Variants in TSC22D3 observed in about 807,000 individuals in gnomAD.
The protein encoded by TSC22D3 is TSC22 domain family member 3.
A neutral mutation model predicts 11.1 loss-of-function variants in TSC22D3; 4 were observed. That is an observed-to-expected ratio of 0.36 (90% confidence interval 0.18 to 0.83). The LOEUF is 0.83. Among genes scored for constraint, TSC22D3 ranks in the 40% least tolerant of loss-of-function variants. TSC22D3 has a pLI of 0.48. For missense variants in TSC22D3, 118 were observed against 159.4 expected, an observed-to-expected ratio of 0.74 and a Z score of 1.40; for synonymous variants, 77 against 70.3, an observed-to-expected ratio of 1.10 and a Z score of -0.48.
At chrX:107,754,819 C>A (rs1187416951) in intron 1 of TSC22D3, among the ~76,000 whole-genome samples, 1 of 112,419 alleles carries the variant, frequency 8.9e-6, no homozygotes, top group Non-Finnish European at 1.9e-5. Flanking sequence ...CCATTTATGA[C>A]AGAGATTGCA....
intron 1 of TSC22D3, among the ~76,000 whole-genome samples, chrX:107,745,865 A>G (rs1166850965): frequency 2.7e-5 from 3 of 112,499 alleles, no homozygotes; most frequent in African/African-American, 9.7e-5. Flanking sequence ...GTATGTGTGA[A>G]TTGCCTACCT....
rs141683086 is a variant in TSC22D3 at position 107,775,294 on chromosome X, G to A, written c.126C>T (p.Ser42=). ...GSSGENNNPG[S]PTVSNFRQLQ... ...GCTGCCGAAAGTTGCTCACTGTAGGGCTGCCCGGGTTGTTGTTCTCCCCGC... is the reference window on the plus strand; with the variant it reads ...GCTGCCGAAAGTTGCTCACTGTAGGACTGCCCGGGTTGTTGTTCTCCCCGC... The change falls in exon 1 of 3, where the codon AGC becomes AGT. Residue 42 remains serine (S), a synonymous_variant. Transcript: ENST00000372383. 2.6e-4 allele frequency: 313 copies of A among 1,210,446 alleles called. No homozygotes were observed. In the African/African-American group the frequency reaches 5.2e-3, roughly 20 times the overall value.
chrX:107,717,014 G>A, intron 1 of TSC22D3: 2 of 1,022,305 alleles, frequency 2.0e-6, no homozygotes, highest in African/African-American at 3.9e-5. Context: ...CTCGAGGGGT[G>A]TCACCTCGTA....
intron 1 of TSC22D3, among the ~76,000 whole-genome samples, chrX:107,733,415 C>CA (rs1254211411): frequency 1.4e-4 from 15 of 110,355 alleles, no homozygotes; most frequent in Middle Eastern, 4.7e-3. Flanking sequence ...GCTCTCTTCA[C>CA]AAAAAAAAAT....
chrX:107,733,870 A>G (rs1482176738), intron 1 of TSC22D3, among the ~76,000 whole-genome samples: 3 of 111,886 alleles, frequency 2.7e-5, no homozygotes, highest in Non-Finnish European at 5.6e-5. Context: ...AAATCTTGCC[A>G]GATAGACAAC....
chrX:107,762,556 C>G (rs1400968554), intron 1 of TSC22D3, among the ~76,000 whole-genome samples: 1 of 111,743 alleles, frequency 8.9e-6, no homozygotes, highest in African/African-American at 3.3e-5. Context: ...TGACCATGGT[C>G]CTTATAAAAC....
At position 107,775,155 on chromosome X, in the gene TSC22D3, T is replaced by C. The variant is rs201112833; in HGVS notation, c.265A>G (p.Ile89Val). 100 of 1,210,603 alleles carry C rather than the reference T, an allele frequency of 8.3e-5. No individual in the cohort carries two copies. In the East Asian group the frequency reaches 2.8e-3, roughly 33 times the overall value. ...RDPCYLINEG[I>V]CNRNIDQTML... ...GTCTGGTCGATGTTGCGGTTGCAGA[T>C]GCCCTCGTTGATCAGGTAGCAGGGG... is the stretch of plus-strand genomic sequence containing the variant. Residue 89 changes from isoleucine to valine, a missense_variant, in exon 1 of 3, where the codon ATC becomes GTC. Ile to Val is a conservative substitution (Grantham distance 29). Transcript: ENST00000372383.
At chrX:107,757,349 G>T (rs751858411) in intron 1 of TSC22D3, among the ~76,000 whole-genome samples, 1 of 111,578 alleles carries the variant, frequency 9.0e-6, no homozygotes, top group Admixed American at 9.5e-5. Context: ...GTCCTTAAAG[G>T]AGTGGAACTG....
intron 1 of TSC22D3, among the ~76,000 whole-genome samples, chrX:107,755,694 C>T (rs368793405): frequency 8.9e-6 from 1 of 112,624 alleles, no homozygotes; most frequent in African/African-American, 3.2e-5. Flanking sequence ...GAAATCAGAG[C>T]AAGTCCATGT....
chrX:107,715,734 G>C (rs777996500), intron 2 of TSC22D3, 165 bp downstream of exon 2: 2 of 568,568 alleles, frequency 3.5e-6, no homozygotes, highest in Non-Finnish European at 6.0e-6. Flanking sequence ...GCCCTAAAAG[G>C]TGCCACTCTA....
intron 1 of TSC22D3, among the ~76,000 whole-genome samples, chrX:107,743,618 A>G (rs1479775629): frequency 2.7e-5 from 3 of 112,318 alleles, no homozygotes; most frequent in Admixed American, 9.4e-5. Flanking sequence ...GGAGCACTCT[A>G]GACCCCTTTA....
At chrX:107,758,205 G>T (rs1929263221) in intron 1 of TSC22D3, among the ~76,000 whole-genome samples, 2 of 110,301 alleles carry the variant, frequency 1.8e-5, no homozygotes, top group African/African-American at 6.6e-5. Flanking sequence ...GAGGTTCTTC[G>T]TCTACTCACT....
chrX:107,727,929 A>G, intron 1 of TSC22D3, among the ~76,000 whole-genome samples: 1 of 112,443 alleles, frequency 8.9e-6, no homozygotes, highest in East Asian at 2.8e-4. Context: ...GATAGTACAA[A>G]CAATCAGTAA....
intron 1 of TSC22D3, among the ~76,000 whole-genome samples, chrX:107,748,115 C>T (rs1478967123): frequency 1.8e-5 from 2 of 111,967 alleles, no homozygotes; most frequent in Non-Finnish European, 1.9e-5. Flanking sequence ...CCCCTTCACA[C>T]ATGCACATAC....
intron 1 of TSC22D3, among the ~76,000 whole-genome samples, chrX:107,758,078 G>A (rs1320007784): frequency 9.1e-6 from 1 of 110,044 alleles, no homozygotes; most frequent in Non-Finnish European, 1.9e-5. Context: ...AGTCACCCAA[G>A]AAATTATTGT....
intron 1 of TSC22D3, among the ~76,000 whole-genome samples, chrX:107,772,768 T>C (rs1298148135): frequency 2.7e-5 from 3 of 111,508 alleles, no homozygotes; most frequent in Non-Finnish European, 5.7e-5. Flanking sequence ...GGAGGATCGA[T>C]GGAGCCCAGG....
chrX:107,758,715 G>A lies in TSC22D3; in HGVS notation c.320+16385C>T, dbSNP rs771459347. Among the ~76,000 whole-genome samples the A allele has an allele frequency of 8.1e-5, 9 of 111,727 alleles. No individual in the cohort carries two copies. In the East Asian group the frequency reaches 8.4e-4, roughly 10 times the overall value. The stretch of plus-strand genomic sequence containing the variant: ...ATAGAGAATTTCTGCAAACACACAC[G>A]TAAAGAACTCAAGAAATGCATTGTG... On this transcript the variant is annotated intron_variant, in intron 1 of 2. Transcript: ENST00000372383.
chrX:107,723,547 G>A (rs1293210401), intron 1 of TSC22D3, among the ~76,000 whole-genome samples: 3 of 112,320 alleles, frequency 2.7e-5, no homozygotes, highest in African/African-American at 9.7e-5. Flanking sequence ...CCTCGTCACA[G>A]CCCACCCTTT....
chrX:107,731,830 C>A (rs765522822), intron 1 of TSC22D3, among the ~76,000 whole-genome samples: 5 of 80,530 alleles, frequency 6.2e-5, no homozygotes, highest in Non-Finnish European at 1.1e-4. Context: ...CAAGCAAGAG[C>A]TTCCAAGAGG....
Sources: allele counts gnomAD v4.1 joint callset (sites outside exome capture counted in the v4.1 genomes callset), GRCh38; gene constraint gnomAD v4.1.1; transcripts MANE v1.5; gene names NCBI Gene and HGNC (gene_info 2026-07-23, HGNC 2026-07-21).